TNPO3: variants seen among roughly 807,000 people sequenced by gnomAD.
The protein encoded by TNPO3 is transportin-3.
In TNPO3, 65 loss-of-function variants were observed where a neutral mutation model predicts 122.8. That is an observed-to-expected ratio of 0.53 (90% confidence interval 0.43 to 0.65). TNPO3 has a LOEUF of 0.65. Among genes scored for constraint, TNPO3 ranks in the 30% least tolerant of loss-of-function variants. The pLI, the probability that TNPO3 is intolerant of heterozygous loss-of-function variation, is 0.00. For missense variants in TNPO3, 850 were observed against 1,136.7 expected (o/e 0.75, Z 3.63); for synonymous variants, 372 against 411.2 (o/e 0.90, Z 1.15).
chr7:129,022,697 A>T (rs1804667674), intron 1 of TNPO3, among the ~76,000 whole-genome samples: 1 of 152,206 alleles, frequency 6.6e-6, no homozygotes, highest in Non-Finnish European at 1.5e-5. Flanking sequence ...ATCTACTGTG[A>T]CTTGAACACT....
intron 4 of TNPO3, among the ~76,000 whole-genome samples, chr7:129,009,938 T>C (rs1803000656): frequency 6.6e-6 from 1 of 152,136 alleles, no homozygotes; most frequent in Non-Finnish European, 1.5e-5. Flanking sequence ...AAGAATGGGA[T>C]TCTGAAACTT....
At chr7:129,001,294 T>C (rs1801923136) in intron 5 of TNPO3, 60 bp from the exon 6 acceptor site, 1 of 1,477,454 alleles carries the variant, frequency 6.8e-7, no homozygotes, top group Admixed American at 1.7e-5. Flanking sequence ...TGATCTACAG[T>C]TGGCCCTGCA....
chr7:128,982,024 C>T (rs930212000), intron 14 of TNPO3, among the ~76,000 whole-genome samples: 1 of 150,652 alleles, frequency 6.6e-6, no homozygotes, highest in African/African-American at 2.4e-5. Flanking sequence ...CCATCGCTCC[C>T]GGCCTTCCAC....
intron 4 of TNPO3, among the ~76,000 whole-genome samples, chr7:129,010,928 C>CA (rs34945917): frequency 7.1e-4 from 105 of 148,016 alleles, no homozygotes; most frequent in Admixed American, 1.6e-3. Flanking sequence ...TCTATATCTA[C>CA]AAAAAAAAAA....
chr7:128,994,951 C>G (rs548452957), intron 8 of TNPO3, among the ~76,000 whole-genome samples: 3 of 152,258 alleles, frequency 2.0e-5, no homozygotes, highest in African/African-American at 7.2e-5. Context: ...AGCCACGTGC[C>G]TGGCCTCAGT....
chr7:128,996,307 G>C lies in TNPO3; in HGVS notation c.1158+1082C>G, dbSNP rs1801309681. ...TCTAGTATTTTTTTCTAAGCAAATA[G>C]ATTTCTATATTCTTTTAAACTACAA... On this transcript the variant is annotated intron_variant, in intron 8 of 22. Transcript: ENST00000265388. Among the ~76,000 whole-genome samples, 4 of 152,182 alleles carry C rather than the reference G, an allele frequency of 2.6e-5. No homozygotes were observed. In the South Asian group the frequency reaches 8.3e-4, roughly 32 times the overall value.
intron 13 of TNPO3, among the ~76,000 whole-genome samples, chr7:128,982,895 T>C (rs767399293): frequency 6.6e-6 from 1 of 152,098 alleles, no homozygotes; most frequent in South Asian, 2.1e-4. Context: ...TGGAGAAGAG[T>C]TGACATCTTT....
At chr7:129,015,281 T>C in intron 3 of TNPO3, 146 bp from the exon 4 acceptor site, 1 of 744,118 alleles carries the variant, frequency 1.3e-6, no homozygotes, top group Non-Finnish European at 2.1e-6. Flanking sequence ...AACATAAATG[T>C]CCTCCATAAT....
At chr7:128,976,927 C>T (rs1799118375) in intron 16 of TNPO3, among the ~76,000 whole-genome samples, 1 of 152,204 alleles carries the variant, frequency 6.6e-6, no homozygotes, top group Non-Finnish European at 1.5e-5. Flanking sequence ...GGTTGCCAAA[C>T]ATTTTCTTAA....
Position 128,988,924 on chromosome 7 carries a change from C to G in TNPO3, c.1498+1037G>C, listed in dbSNP as rs114454802. 2.3e-3 allele frequency among the ~76,000 whole-genome samples: 346 copies of G among 151,964 alleles called. 1 individual carries two copies. Among genetic ancestry groups the G allele is most frequent in the African/African-American group, 7.9e-3 (326 of 41,482 alleles). On this transcript the variant is annotated intron_variant, in intron 11 of 22. Transcript: ENST00000265388. ...CGAAACCCTGTCTCCACTAAAAATA[C>G]AAAAATAGTGGGCATGGTGGCATGC... is the stretch of plus-strand genomic sequence containing the variant.
Position 128,979,074 on chromosome 7 carries a change from C to T in TNPO3, c.1970G>A (p.Arg657Gln). ...ETLNKHRADN[R>Q]IVERCCRCLR... ...GCACCTGCAACAACGCTCTACAATC[C>T]GATTATCAGCTCGGTGCTTATTTAG... The change falls in exon 16 of 23, where the codon CGG (arginine) becomes CAG (glutamine). Residue 657 changes from arginine to glutamine, a missense_variant. By Grantham distance (43) the Arg-to-Gln change is conservative. Coordinates refer to ENST00000265388, the MANE Select transcript of TNPO3 (RefSeq NM_012470.4). 2.5e-6 allele frequency: 4 copies of T among 1,614,192 alleles called. No individual in the cohort carries two copies. Among genetic ancestry groups the T allele is most frequent in the Middle Eastern group, 1.6e-4 (1 of 6,062 alleles).
Position 128,975,904 on chromosome 7 carries a change from G to C in TNPO3, c.2093C>G (p.Ser698Cys). ...MVNVYHVHQH[S>C]CFLYLGSILV... ...GATACTGCCAAGGTACAGGAAGCAG[G>C]AATGCTGATGTACGTGGTACACATT... is the stretch of plus-strand genomic sequence containing the variant. Residue 698 changes from serine to cysteine, a missense_variant, in exon 17 of 23, where the codon TCC becomes TGC. Coordinates refer to ENST00000265388, the MANE Select transcript of TNPO3 (RefSeq NM_012470.4). The C allele has an allele frequency of 6.2e-7, 1 of 1,613,926 alleles. No homozygotes were observed. The highest frequency in any genetic ancestry group is 1.1e-5 in the South Asian group (1 of 91,062).
chr7:128,997,614 A>C (rs557821804), intron 7 of TNPO3, 79 bp from the exon 8 acceptor site: 2 of 1,204,428 alleles, frequency 1.7e-6, no homozygotes, highest in African/African-American at 1.5e-5. Flanking sequence ...CCACGACCAT[A>C]TAGGAAGAAA....
At chr7:128,974,687 G>C (rs778782861) in intron 18 of TNPO3, among the ~76,000 whole-genome samples, 181 bp downstream of exon 18, 1 of 152,018 alleles carries the variant, frequency 6.6e-6, no homozygotes, top group Non-Finnish European at 1.5e-5. Flanking sequence ...CTTGCTTCCC[G>C]CAATACTCTG....
At chr7:128,983,219 T>G (rs1037796197) in intron 13 of TNPO3, among the ~76,000 whole-genome samples, 2 of 152,110 alleles carry the variant, frequency 1.3e-5, no homozygotes, top group African/African-American at 4.8e-5. Flanking sequence ...TTTTTTTTCT[T>G]TTTTTGAGGT....
intron 22 of TNPO3, among the ~76,000 whole-genome samples, chr7:128,957,015 C>A (rs753924828): frequency 6.6e-6 from 1 of 152,134 alleles, no homozygotes; most frequent in Non-Finnish European, 1.5e-5. Context: ...AAATGGTACC[C>A]CAAAGACACT....
At position 128,975,875 on chromosome 7, in the gene TNPO3, C is replaced by T. The variant is rs1429955944; in HGVS notation, c.2122G>A (p.Val708Met). Residue 708 changes from valine to methionine, a missense_variant, in exon 17 of 23, where the codon GTG (valine) becomes ATG (methionine). Transcript: ENST00000265388. ...CCTTCTTCCATGCCATATTCATCCACAAGGATACTGCCAAGGTACAGGAAG... is the reference window on the plus strand; with the variant it reads ...CCTTCTTCCATGCCATATTCATCCATAAGGATACTGCCAAGGTACAGGAAG... ...SCFLYLGSIL[V>M]DEYGMEEGCR... is the part of the protein sequence containing the mutation. The T allele has an allele frequency of 1.2e-6, 2 of 1,614,190 alleles. No individual in the cohort carries two copies. Among genetic ancestry groups the T allele is most frequent in the Non-Finnish European group, 1.7e-6 (2 of 1,180,018 alleles).
intron 1 of TNPO3, among the ~76,000 whole-genome samples, chr7:129,027,591 A>AAC (rs1805388621): frequency 8.1e-5 from 5 of 62,084 alleles, no homozygotes; most frequent in Admixed American, 4.9e-4. Flanking sequence ...AAAAAAAAAA[A>AAC]CAACACAAAA....
At chr7:129,004,420 C>A (rs1027178338) in intron 5 of TNPO3, among the ~76,000 whole-genome samples, 1 of 152,202 alleles carries the variant, frequency 6.6e-6, no homozygotes, top group Non-Finnish European at 1.5e-5. Context: ...CACTCCCTAA[C>A]TCCTATCTAC....
Sources: gnomAD v4.1 joint callset for allele counts (sites outside exome capture counted in the v4.1 genomes callset) on GRCh38, gnomAD v4.1.1 for gene constraint, MANE v1.5 for transcripts, NCBI Gene and HGNC (gene_info 2026-07-23, HGNC 2026-07-21) for gene names.